Variants in CGAS observed in about 807,000 individuals in gnomAD.
CGAS encodes the protein cyclic GMP-AMP synthase.
A neutral mutation model predicts 34.0 loss-of-function variants in CGAS; 31 were observed. The observed-to-expected ratio is 0.91, with a 90% CI of 0.69 to 1.23. CGAS has a LOEUF of 1.23. Ranked by LOEUF, CGAS falls within the 50% of genes most tolerant of loss-of-function variation. The pLI, the probability that CGAS is intolerant of heterozygous loss-of-function variation, is 0.00. For synonymous variants in CGAS, 266 were observed against 260.0 expected (o/e 1.02, Z -0.22); for missense variants, 597 against 657.6 (o/e 0.91, Z 1.01).
At chr6:73,428,146 C>T (rs1211510805) in intron 4 of CGAS, among the ~76,000 whole-genome samples, 1 of 151,562 alleles carries the variant, frequency 6.6e-6, no homozygotes, top group Non-Finnish European at 1.5e-5. Flanking sequence ...ATTGCTTGAG[C>T]CCAGGAGATC....
rs1018459151 is a variant in CGAS at position 73,445,865 on chromosome 6, CTATA to C, written c.658-122_658-119del. The C allele has an allele frequency of 1.7e-5, 12 of 697,842 alleles. No homozygotes were observed. The African/African-American group carries it at 2.2e-4, about 13-fold the overall frequency. 43.2% of individuals were successfully genotyped at this position (697,842 alleles called of 1,614,324 possible). A position where few individuals can be genotyped will look rare whatever the true frequency, so the allele number is the denominator to read the frequency against. On this transcript the variant is annotated intron_variant, in intron 1 of 4. Transcript: ENST00000370315. ...CTTTAAAAAGCAAGATTCATAATGT[CTATA>C]TATACCCTCTGGGAGTGGGACTAGT... is the stretch of plus-strand genomic sequence containing the variant.
In CGAS at chr6:73,445,443, G is replaced by A. The variant is rs1243642817; in HGVS notation, c.877+85C>T. ...ACTGCACTTTTTCTTACTGCAGAGA[G>A]GTCAAGAAACATGAGAATGGGAGTG... On this transcript the variant is annotated intron_variant, in intron 2 of 4. Coordinates refer to ENST00000370315, the MANE Select transcript of CGAS (RefSeq NM_138441.3). 6 of 937,320 alleles carry A rather than the reference G, an allele frequency of 6.4e-6. No individual in the cohort carries two copies. In the East Asian group the frequency reaches 1.5e-4, roughly 24 times the overall value. 58.1% of individuals were successfully genotyped at this position (937,320 alleles called of 1,614,324 possible).
intron 3 of CGAS, among the ~76,000 whole-genome samples, chr6:73,429,790 C>G (rs1223528821): frequency 1.3e-5 from 2 of 152,024 alleles, no homozygotes; most frequent in East Asian, 1.9e-4. Context: ...CGCGCCACTG[C>G]ACTCCAGCCT....
intron 3 of CGAS, among the ~76,000 whole-genome samples, chr6:73,437,799 G>A (rs1337396878): frequency 6.6e-6 from 1 of 151,900 alleles, no homozygotes; most frequent in Admixed American, 6.6e-5. Context: ...ACAAGGCCAG[G>A]CACAGTGGCT....
At chr6:73,428,259 T>A (rs1206651769) in intron 4 of CGAS, among the ~76,000 whole-genome samples, 2 of 151,758 alleles carry the variant, frequency 1.3e-5, no homozygotes, top group African/African-American at 2.4e-5. Flanking sequence ...TTGTTTTCAG[T>A]TTGGCCAATC....
chr6:73,429,031 C>CA (rs1005507109), intron 3 of CGAS, among the ~76,000 whole-genome samples: 31 of 151,178 alleles, frequency 2.1e-4, no homozygotes, highest in African/African-American at 7.0e-4. Flanking sequence ...ACCAAAAATA[C>CA]AAAAAAAAGT....
At chr6:73,449,086 C>A (rs1018091727) in intron 1 of CGAS, among the ~76,000 whole-genome samples, 3 of 151,018 alleles carry the variant, frequency 2.0e-5, no homozygotes, top group Admixed American at 1.3e-4. Flanking sequence ...AAGACTCCAT[C>A]CCCAAAAAAA....
At chr6:73,431,344 GC>G (rs930202190) in intron 3 of CGAS, among the ~76,000 whole-genome samples, 3 of 151,190 alleles carry the variant, frequency 2.0e-5, no homozygotes, top group Non-Finnish European at 2.9e-5. Context: ...GGTGGCACAA[GC>G]CTGTAATCCC....
chr6:73,444,109 C>T (rs138653669), intron 2 of CGAS, among the ~76,000 whole-genome samples: 2,853 of 152,182 alleles, frequency 0.019, 85 homozygotes, highest in African/African-American at 0.065. Flanking sequence ...CCTGCCTCAG[C>T]CTCCCGAGTA....
chr6:73,425,556 T>C lies in CGAS; in HGVS notation c.1240A>G (p.Lys414Glu). 6.3e-7 allele frequency: 1 copy of C among 1,591,062 alleles called. No homozygotes were observed. Among genetic ancestry groups the C allele is most frequent in the South Asian group, 1.1e-5 (1 of 87,212 alleles). The change falls in exon 5 of 5, where the codon AAA becomes GAA. Residue 414 changes from lysine to glutamate, a missense_variant. By Grantham distance (56) the Lys-to-Glu change is moderately conservative (BLOSUM62 1). Around this residue, in one of 3 missense-constraint regions of CGAS, gnomAD observed 271 missense variants for 324.1 expected, o/e 0.84. Coordinates refer to ENST00000370315, the MANE Select transcript of CGAS (RefSeq NM_138441.3). ...TCTTTCAGCTGTTCTAAAAGGTATT[T>C]CATTAGTTTTAAACAATCTTTCCTG... Reference protein sequence around the residue: ...CCRKDCLKLMKYLLEQLKERF... With the variant: ...CCRKDCLKLMEYLLEQLKERF...
rs200818241 is a variant in CGAS at position 73,425,441 on chromosome 6, T to A, written c.1355A>T (p.Asp452Val). ...CAGGTCTTTGCGGTCCCACTGACTG[T>A]CTTGAGGGTTCTGGGTACATACGTG... ...FFHVCTQNPQ[D>V]SQWDRKDLGL... The change falls in exon 5 of 5, where the codon GAC becomes GTC. Residue 452 changes from aspartate to valine, a missense_variant. Asp to Val is a radical substitution (Grantham distance 152). This residue lies in a region of CGAS where 271 missense variants were observed against 324.1 expected (regional missense o/e 0.84). Coordinates refer to ENST00000370315, the MANE Select transcript of CGAS (RefSeq NM_138441.3). The A allele has an allele frequency of 2.4e-4, 380 of 1,614,024 alleles. No individual in the cohort carries two copies. The highest frequency in any genetic ancestry group is 3.1e-4 in the Non-Finnish European group (364 of 1,180,044).
intron 3 of CGAS, among the ~76,000 whole-genome samples, chr6:73,436,352 T>C (rs1441325015): frequency 6.7e-6 from 1 of 149,700 alleles, no homozygotes; most frequent in Non-Finnish European, 1.5e-5. Context: ...ATCTTAAAAA[T>C]ATATATTAAA....
rs549985083 is a variant in CGAS at position 73,445,740 on chromosome 6, G to A, written c.665C>T (p.Ala222Val). 5.0e-6 allele frequency: 8 copies of A among 1,596,716 alleles called. No homozygotes were observed. The East Asian group carries it at 1.6e-4, about 31-fold the overall frequency. The change falls in exon 2 of 5, where the codon GCA becomes GTA. Residue 222 changes from alanine (A) to valine (V), a missense_variant. Ala to Val is a moderately conservative substitution (Grantham distance 64). Transcript: ENST00000370315. ...AAACATGACATCAAATTCATTAGGT[G>A]CAGAAATCTAAGAAACAGTAAAAAT... ...GSYYEHVKIS[A>V]PNEFDVMFKL...
chr6:73,431,342 A>C (rs898748643), intron 3 of CGAS, among the ~76,000 whole-genome samples: 1 of 151,966 alleles, frequency 6.6e-6, no homozygotes, highest in Non-Finnish European at 1.5e-5. Flanking sequence ...ATGGTGGCAC[A>C]AGCCTGTAAT....
chr6:73,434,283 C>G (rs1770242495), intron 3 of CGAS, among the ~76,000 whole-genome samples: 1 of 152,148 alleles, frequency 6.6e-6, no homozygotes, highest in African/African-American at 2.4e-5. Flanking sequence ...GGGATTTGAG[C>G]ATCTGTGGAC....
At chr6:73,427,555 C>T (rs1250182613) in intron 4 of CGAS, among the ~76,000 whole-genome samples, 3 of 152,186 alleles carry the variant, frequency 2.0e-5, no homozygotes, top group East Asian at 1.9e-4. Flanking sequence ...CTGCCCTGGC[C>T]TCCCAAAGTG....
chr6:73,428,667 A>G (rs369291803), intron 4 of CGAS, 42 bp downstream of exon 4: 6 of 1,567,104 alleles, frequency 3.8e-6, no homozygotes, highest in Non-Finnish European at 5.2e-6. Context: ...ATAATTAAGC[A>G]TACCATAGAT....
chr6:73,429,560 C>T (rs1198220583), intron 3 of CGAS, among the ~76,000 whole-genome samples: 1 of 152,184 alleles, frequency 6.6e-6, no homozygotes, highest in South Asian at 2.1e-4. Flanking sequence ...GGCGCGGTGG[C>T]TCACGCCTGT....
At chr6:73,446,367 G>A (rs927109179) in intron 1 of CGAS, among the ~76,000 whole-genome samples, 11 of 149,932 alleles carry the variant, frequency 7.3e-5, no homozygotes, top group South Asian at 2.1e-4. Flanking sequence ...ATGATATGTG[G>A]TAGGGAATCA....
Sources: gnomAD v4.1 joint callset for allele counts (sites outside exome capture counted in the v4.1 genomes callset) on GRCh38, gnomAD v4.1.1 for gene constraint, gnomAD v4.1.1 regional missense constraint, MANE v1.5 for transcripts, NCBI Gene and HGNC (gene_info 2026-07-23, HGNC 2026-07-21) for gene names.